The following TTC39B variants were observed in gnomAD, a reference collection of about 807,000 sequenced individuals.
The protein encoded by TTC39B is tetratricopeptide repeat domain 39B, also known as tetratricopeptide repeat protein 39B.
In TTC39B, 92 loss-of-function variants were observed where a neutral mutation model predicts 96.6. That is an observed-to-expected ratio of 0.95 (90% CI 0.80 to 1.13). The LOEUF (loss-of-function observed/expected upper bound fraction) is 1.13. Among genes scored for constraint, TTC39B ranks in the 50% most tolerant of loss-of-function variants. The probability of loss-of-function intolerance (pLI) is 0.00; values close to 1 mark genes in which losing one functional copy is unlikely to be tolerated. For missense variants in TTC39B, 955 were observed against 809.3 expected (o/e 1.18, Z -2.18); for synonymous variants, 367 against 299.4 (o/e 1.23, Z -2.33).
chr9:15,250,966 G>A (rs1368257094), intron 2 of TTC39B, among the ~76,000 whole-genome samples: 2 of 152,130 alleles, frequency 1.3e-5, no homozygotes, highest in Non-Finnish European at 2.9e-5. Flanking sequence ...GGGAGGCTGA[G>A]GGGGGCAGAT....
chr9:15,187,114 C>A (rs1447710503), intron 14 of TTC39B, 79 bp from the exon 15 acceptor site: 3 of 1,000,858 alleles, frequency 3.0e-6, no homozygotes, highest in Non-Finnish European at 2.9e-6. Flanking sequence ...GAATGACCAA[C>A]AAGTCTTCCA....
At chr9:15,185,336 C>G in exon 16 of TTC39B, 1 of 1,613,860 alleles carries the variant, frequency 6.2e-7, no homozygotes, top group East Asian at 2.2e-5. Flanking sequence ...TAACGCCGAG[C>G]CTTCCTCACA....
chr9:15,199,520 G>C (rs1233753643), intron 8 of TTC39B, among the ~76,000 whole-genome samples: 1 of 151,724 alleles, frequency 6.6e-6, no homozygotes, highest in Non-Finnish European at 1.5e-5. Flanking sequence ...CGGATCACGA[G>C]GTCAGGAGAT....
At chr9:15,202,890 T>C (rs561326525) in intron 7 of TTC39B, among the ~76,000 whole-genome samples, 3 of 152,140 alleles carry the variant, frequency 2.0e-5, no homozygotes, top group Non-Finnish European at 2.9e-5. Context: ...TACAGAAGCA[T>C]TGGAAGATAC....
exon 20 of TTC39B, chr9:15,170,745 T>G (rs947195032): frequency 1.3e-5 from 2 of 152,224 alleles, no homozygotes; most frequent in Non-Finnish European, 2.9e-5. Context: ...ATTCATCAAC[T>G]CATAAATTGT....
exon 11 of TTC39B, chr9:15,190,640 C>G (rs758648195): frequency 6.2e-7 from 1 of 1,614,132 alleles, no homozygotes; most frequent in Non-Finnish European, 8.5e-7. Context: ...AGCACCTTCA[C>G]GTAACTGCAG....
At chr9:15,189,215 G>C (rs1024371709) in intron 13 of TTC39B, among the ~76,000 whole-genome samples, 1 of 152,204 alleles carries the variant, frequency 6.6e-6, no homozygotes, top group Non-Finnish European at 1.5e-5. Context: ...CCCACACGTA[G>C]TAGACCTGCA....
chr9:15,226,967 G>A (rs1197460868), intron 2 of TTC39B, among the ~76,000 whole-genome samples: 4 of 151,274 alleles, frequency 2.6e-5, no homozygotes, highest in Admixed American at 6.6e-5. Flanking sequence ...GAGAAGTTTT[G>A]CGTGTTTTTT....
chr9:15,215,019 T>G (rs1031847706), intron 3 of TTC39B, among the ~76,000 whole-genome samples: 3 of 152,184 alleles, frequency 2.0e-5, no homozygotes, highest in African/African-American at 7.2e-5. Flanking sequence ...TTTAGGAGAC[T>G]GAGGCAGGAG....
intron 16 of TTC39B, chr9:15,183,354 A>C (rs756305321): frequency 2.5e-5 from 11 of 436,964 alleles, no homozygotes; most frequent in South Asian, 1.7e-4. Context: ...TTTTAAATTG[A>C]TGATGATCTT....
rs80279305 is a variant in TTC39B, at chr9:15,175,041, T to C, written c.1936A>G (p.Ile646Val). The change falls in exon 19 of 20, where the codon ATA becomes GTA. Residue 646 changes from isoleucine to valine, a missense_variant. Coordinates refer to ENST00000512701, the Ensembl canonical transcript of TTC39B. ...TACCTTGCAGTTTCTAGGAACTTTA[T>C]GGCCTTGTCAATTTCCCCCTGGCTT... 3.1e-3 allele frequency: 4,953 copies of C among 1,613,670 alleles called. 122 individuals carry two copies. The African/African-American group carries it at 0.057, about 19-fold the overall frequency.
chr9:15,185,596 C>T (rs780792734), intron 15 of TTC39B, 190 bp from the exon 16 acceptor site: 26 of 721,872 alleles, frequency 3.6e-5, no homozygotes, highest in Non-Finnish European at 4.9e-5. Flanking sequence ...GGGCCGGGGC[C>T]GAGCAATCTA....
At chr9:15,183,723 A>G (rs1368957852) in intron 16 of TTC39B, among the ~76,000 whole-genome samples, 3 of 152,252 alleles carry the variant, frequency 2.0e-5, no homozygotes, top group East Asian at 1.9e-4. Context: ...TGAATCAGGC[A>G]TGGAGCTAAG....
intron 2 of TTC39B, among the ~76,000 whole-genome samples, chr9:15,260,820 C>G (rs1218575051): frequency 7.8e-6 from 1 of 128,898 alleles, no homozygotes; most frequent in Non-Finnish European, 1.5e-5. Flanking sequence ...AATTACCTGG[C>G]TAAAAAAATC....
At position 15,190,516 on chromosome 9, in the gene TTC39B, A is replaced by C. The variant is rs779744721; in HGVS notation, c.1105+38T>G. On this transcript the variant is annotated intron_variant, in intron 11 of 19. Transcript: ENST00000512701. Reference sequence around the variant, plus strand: ...GTAACACACCATGTCTGGCCAAGACAATCAATGTTCAATGAAACAATCTAA... The same window carrying C: ...GTAACACACCATGTCTGGCCAAGACCATCAATGTTCAATGAAACAATCTAA... 1.0e-5 allele frequency: 16 copies of C among 1,574,838 alleles called. 1 individual carries two copies. The South Asian group carries it at 1.7e-4, about 16-fold the overall frequency.
intron 2 of TTC39B, among the ~76,000 whole-genome samples, chr9:15,257,779 G>T (rs117962551): frequency 0.051 from 7,549 of 147,376 alleles, 211 homozygotes; most frequent in East Asian, 0.08. Context: ...ATAATTTTAG[G>T]CCAGGCACGG....
chr9:15,234,047 C>T (rs1821617425), intron 2 of TTC39B, among the ~76,000 whole-genome samples: 1 of 134,280 alleles, frequency 7.4e-6, no homozygotes, highest in African/African-American at 3.2e-5. Context: ...GACCCGCCGC[C>T]CCGTCTGGGA....
intron 8 of TTC39B, among the ~76,000 whole-genome samples, chr9:15,194,482 C>A (rs1564331574): frequency 6.6e-6 from 1 of 152,142 alleles, no homozygotes; most frequent in Non-Finnish European, 1.5e-5. Flanking sequence ...TGTGTGCACA[C>A]ACACACATGC....
intron 1 of TTC39B, among the ~76,000 whole-genome samples, chr9:15,282,526 TG>T (rs1286985865): frequency 6.6e-6 from 1 of 152,190 alleles, no homozygotes; most frequent in Admixed American, 6.5e-5. Context: ...ATGAGAAAGG[TG>T]GTCTTTAAAA....
Sources: allele counts gnomAD v4.1 joint callset (sites outside exome capture counted in the v4.1 genomes callset), GRCh38; gene constraint gnomAD v4.1.1; transcripts MANE v1.5; gene names NCBI Gene and HGNC (gene_info 2026-07-23, HGNC 2026-07-21).